Variants in AUTS2 observed in about 807,000 individuals in gnomAD.
AUTS2 encodes autism susceptibility gene 2 protein.
AUTS2 carries 17 observed loss-of-function variants against 112.4 expected under a neutral mutation model. That is an observed-to-expected ratio of 0.15 (90% CI 0.10 to 0.23). The LOEUF is 0.23. Among genes scored for constraint, AUTS2 ranks in the 10% least tolerant of loss-of-function variants. The probability of loss-of-function intolerance (pLI) is 1.00; values close to 1 mark genes in which losing one functional copy is unlikely to be tolerated. For synonymous variants in AUTS2, 751 were observed against 702.7 expected (o/e 1.07, Z -1.09); for missense variants, 1,510 against 1,701.6 (o/e 0.89, Z 1.98).
chr7:70,674,025 G>T (rs1219261769), intron 5 of AUTS2, among the ~76,000 whole-genome samples: 1 of 152,100 alleles, frequency 6.6e-6, no homozygotes, highest in African/African-American at 2.4e-5. Flanking sequence ...AGGTAGGAGG[G>T]GATCTGAACC....
rs550617811 is a variant in AUTS2 at position 70,718,255 on chromosome 7, C to A, written c.742+19635C>A. 5.3e-5 allele frequency among the ~76,000 whole-genome samples: 8 copies of A among 152,318 alleles called. No homozygotes were observed. The South Asian group carries it at 1.7e-3, about 32-fold the overall frequency. On this transcript the variant is annotated intron_variant, in intron 6 of 18. Coordinates refer to ENST00000342771, the MANE Select transcript of AUTS2 (RefSeq NM_015570.4). ...TGCTGCTGCTTTCTGCCTCCTTCCC[C>A]GGCCGGCCTCCATCCCAGTTCACCT... is the stretch of plus-strand genomic sequence containing the variant.
intron 4 of AUTS2, among the ~76,000 whole-genome samples, chr7:70,316,027 G>A (rs1018310251): frequency 6.6e-6 from 1 of 152,088 alleles, no homozygotes; most frequent in Non-Finnish European, 1.5e-5. Flanking sequence ...GGGTAGAAAG[G>A]CAAAAATGGT....
At chr7:70,788,028 CTGCACTTGGTAACCCA>C (rs960602832) in intron 18 of AUTS2, among the ~76,000 whole-genome samples, 2 of 152,048 alleles carry the variant, frequency 1.3e-5, no homozygotes, top group Admixed American at 6.5e-5. Context: ...ACCGTTGTCT[CTGCACTTGGTAACCCA>C]TGCCTAAAAA....
At chr7:70,751,124 AG>A (rs1222319408) in intron 6 of AUTS2, among the ~76,000 whole-genome samples, 2 of 152,202 alleles carry the variant, frequency 1.3e-5, no homozygotes, top group Non-Finnish European at 2.9e-5. Context: ...GTAAAATGAC[AG>A]GGGCGCGTTG....
intron 5 of AUTS2, chr7:70,596,188 G>C (rs1234241003): frequency 6.5e-6 from 1 of 152,760 alleles, no homozygotes; most frequent in Non-Finnish European, 1.5e-5. Flanking sequence ...GGGCTGGGGC[G>C]GGCGGCGCGC....
chr7:70,159,504 G>T (rs1026320708), intron 4 of AUTS2, among the ~76,000 whole-genome samples: 3 of 152,112 alleles, frequency 2.0e-5, no homozygotes, highest in Non-Finnish European at 2.9e-5. Flanking sequence ...TTAATTCAGG[G>T]AGTCATACAC....
chr7:70,363,724 T>C (rs1792398321), intron 4 of AUTS2, among the ~76,000 whole-genome samples: 2 of 152,312 alleles, frequency 1.3e-5, no homozygotes, highest in African/African-American at 4.8e-5. Context: ...TATTCTTTTA[T>C]GCTTCTTTGA....
chr7:69,854,984 T>C (rs1432945027), intron 1 of AUTS2, among the ~76,000 whole-genome samples: 2 of 152,212 alleles, frequency 1.3e-5, no homozygotes, highest in African/African-American at 4.8e-5. Flanking sequence ...AGGTACACCA[T>C]GGTCTACTGT....
At chr7:70,760,474 C>A (rs572700554) in intron 6 of AUTS2, among the ~76,000 whole-genome samples, 16 of 152,294 alleles carry the variant, frequency 1.1e-4, no homozygotes, top group African/African-American at 3.8e-4. Context: ...ACTTTCTGTC[C>A]CAGACCTGAC....
intron 1 of AUTS2, among the ~76,000 whole-genome samples, chr7:69,828,363 C>T (rs1378630017): frequency 6.6e-6 from 1 of 152,152 alleles, no homozygotes; most frequent in Non-Finnish European, 1.5e-5. Flanking sequence ...TTGAAATTGG[C>T]AGTTGCCATC....
chr7:70,489,176 A>G (rs958159965), intron 5 of AUTS2, among the ~76,000 whole-genome samples: 1 of 152,244 alleles, frequency 6.6e-6, no homozygotes, highest in Non-Finnish European at 1.5e-5. Flanking sequence ...AGGCAGAAAA[A>G]CATTCTCAAA....
intron 5 of AUTS2, among the ~76,000 whole-genome samples, chr7:70,634,948 C>A (rs1805457474): frequency 6.6e-6 from 1 of 152,138 alleles, no homozygotes; most frequent in Non-Finnish European, 1.5e-5. Context: ...TTGCTGGTCT[C>A]CTGCTGAGTA....
rs531467145 is a variant in AUTS2 at position 69,613,893 on chromosome 7, A to G, written c.309+13931A>G. On this transcript the variant is annotated intron_variant, in intron 1 of 18. Coordinates refer to ENST00000342771, the MANE Select transcript of AUTS2 (RefSeq NM_015570.4). ...ATCTGTATCTTGAAGATACCAGGTGACAAATAGTCCATTGATTTCCTCTGT... is the reference window on the plus strand; with the variant it reads ...ATCTGTATCTTGAAGATACCAGGTGGCAAATAGTCCATTGATTTCCTCTGT... Among the ~76,000 whole-genome samples, 27 of 152,288 alleles carry G rather than the reference A, an allele frequency of 1.8e-4. 1 individual carries two copies. In the South Asian group the frequency reaches 5.6e-3, roughly 32 times the overall value.
intron 1 of AUTS2, among the ~76,000 whole-genome samples, chr7:69,684,444 C>T (rs996784145): frequency 6.6e-5 from 10 of 151,996 alleles, no homozygotes; most frequent in South Asian, 2.1e-4. Flanking sequence ...ACCCTGTTGC[C>T]GTTTATGTTT....
chr7:70,734,199 G>A (rs1458590221), intron 6 of AUTS2, among the ~76,000 whole-genome samples: 5 of 151,946 alleles, frequency 3.3e-5, no homozygotes, highest in Non-Finnish European at 7.4e-5. Context: ...CAGCACTTTG[G>A]GAGGCCGAGG....
At chr7:70,449,024 A>AG (rs1464635814) in intron 5 of AUTS2, among the ~76,000 whole-genome samples, 2 of 152,208 alleles carry the variant, frequency 1.3e-5, no homozygotes, top group African/African-American at 4.8e-5. Flanking sequence ...TACCTTTTAA[A>AG]GACTCTTTTT....
rs537876915 is a variant in AUTS2, at chr7:69,870,909, T to C, written c.310-28377T>C. 3.9e-5 allele frequency among the ~76,000 whole-genome samples: 6 copies of C among 152,364 alleles called. No individual in the cohort carries two copies. In the East Asian group the frequency reaches 1.2e-3, roughly 29 times the overall value. On this transcript the variant is annotated intron_variant, in intron 1 of 18. Coordinates refer to ENST00000342771, the MANE Select transcript of AUTS2 (RefSeq NM_015570.4). ...AATTTTACCATTCATGGTTCTGTTGTGCAATGCCAGTTTTAAATGCAGATA... is the reference window on the plus strand; with the variant it reads ...AATTTTACCATTCATGGTTCTGTTGCGCAATGCCAGTTTTAAATGCAGATA...
intron 4 of AUTS2, among the ~76,000 whole-genome samples, chr7:70,191,413 C>T (rs1809884944): frequency 6.6e-6 from 1 of 152,074 alleles, no homozygotes; most frequent in Admixed American, 6.6e-5. Flanking sequence ...CCTCATGATC[C>T]TCCCACCTTG....
intron 5 of AUTS2, among the ~76,000 whole-genome samples, chr7:70,659,408 C>G (rs1275937422): frequency 6.6e-6 from 1 of 152,180 alleles, no homozygotes; most frequent in East Asian, 1.9e-4. Context: ...TAGGTGATTC[C>G]ATGTGCGGTC....
Sources: gnomAD v4.1 joint callset for allele counts (sites outside exome capture counted in the v4.1 genomes callset) on GRCh38, gnomAD v4.1.1 for gene constraint, MANE v1.5 for transcripts, NCBI Gene and HGNC (gene_info 2026-07-23, HGNC 2026-07-21) for gene names.